FAF1: variants seen among roughly 807,000 people sequenced by gnomAD.
FAF1 encodes Fas associated factor 1.
FAF1 carries 25 observed loss-of-function variants against 92.5 expected under a neutral mutation model. That is an observed-to-expected ratio of 0.27 (90% CI 0.20 to 0.38). The LOEUF is 0.38. Among genes scored for constraint, FAF1 ranks in the 10% least tolerant of loss-of-function variants. The pLI is 1.00. For missense variants in FAF1, 636 were observed against 793.3 expected, an observed-to-expected ratio of 0.80 and a Z score of 2.38; for synonymous variants, 234 against 273.2, an observed-to-expected ratio of 0.86 and a Z score of 1.42.
At chr1:50,799,325 TAGTG>T (rs1425486562) in intron 3 of FAF1, among the ~76,000 whole-genome samples, 3 of 152,210 alleles carry the variant, frequency 2.0e-5, no homozygotes, top group Non-Finnish European at 4.4e-5. Flanking sequence ...TTACAGGTTG[TAGTG>T]AGTATTAAAT....
chr1:50,808,419 C>T lies in FAF1; in HGVS notation c.115-6742G>A, dbSNP rs980305642. The stretch of plus-strand genomic sequence containing the variant: ...AATCCTCACCTATTAATATTAACCT[C>T]GTATGTAAATGGGTTAATGCCCTAA... On this transcript the variant is annotated intron_variant, in intron 2 of 18. Transcript: ENST00000396153. 3.9e-5 allele frequency among the ~76,000 whole-genome samples: 6 copies of T among 152,022 alleles called. 1 individual carries two copies. The highest frequency in any genetic ancestry group is 2.6e-4 in the Admixed American group (4 of 15,256).
rs1021762132 is a variant in FAF1, at chr1:50,815,135, A to G, written c.115-13458T>C. Among the ~76,000 whole-genome samples the G allele has an allele frequency of 7.2e-5, 11 of 152,248 alleles. 1 individual carries two copies. In the South Asian group the frequency reaches 2.3e-3, roughly 32 times the overall value. ...CCGGGGGTACATCTGCCGATTTGTT[A>G]CATGGCTATATTGCATGATGCTGAG... is the stretch of plus-strand genomic sequence containing the variant. On this transcript the variant is annotated intron_variant, in intron 2 of 18. Coordinates refer to ENST00000396153, the MANE Select transcript of FAF1 (RefSeq NM_007051.3).
At chr1:50,694,074 T>C (rs1391779008) in intron 7 of FAF1, among the ~76,000 whole-genome samples, 1 of 151,554 alleles carries the variant, frequency 6.6e-6, no homozygotes, top group African/African-American at 2.4e-5. Flanking sequence ...GACATATACA[T>C]GACATATATA....
chr1:50,838,223 T>C (rs763103856), intron 2 of FAF1, among the ~76,000 whole-genome samples: 1 of 152,144 alleles, frequency 6.6e-6, no homozygotes, highest in African/African-American at 2.4e-5. Context: ...AGATGGTGGA[T>C]GTTTCTTTAA....
intron 8 of FAF1, among the ~76,000 whole-genome samples, chr1:50,598,923 T>C (rs1651961050): frequency 6.6e-6 from 1 of 151,964 alleles, no homozygotes; most frequent in South Asian, 2.1e-4. Context: ...TAAGCTGAGA[T>C]TGTGCCATTG....
At chr1:50,596,073 G>T in intron 9 of FAF1, 48 bp downstream of exon 9, 1 of 1,263,078 alleles carries the variant, frequency 7.9e-7, no homozygotes, top group Non-Finnish European at 1.2e-6. Flanking sequence ...GCGCAGGTAG[G>T]TGGGGGATGG....
chr1:50,695,636 AG>A lies in FAF1; in HGVS notation c.657+10149del, dbSNP rs1240713005. ...TATATGATTTCTCTCTATAAGACAA[AG>A]TTTTTTGTTTTTGATTTTGTTTTCC... On this transcript the variant is annotated intron_variant, in intron 7 of 18. Coordinates refer to ENST00000396153, the MANE Select transcript of FAF1 (RefSeq NM_007051.3). 2.1e-4 allele frequency among the ~76,000 whole-genome samples: 32 copies of A among 152,088 alleles called. No homozygotes were observed. The East Asian group carries it at 6.0e-3, about 28-fold the overall frequency.
intron 8 of FAF1, among the ~76,000 whole-genome samples, chr1:50,609,279 T>C (rs778578202): frequency 6.6e-6 from 1 of 152,218 alleles, no homozygotes; most frequent in Non-Finnish European, 1.5e-5. Flanking sequence ...GAACCTGGCA[T>C]AGCTTGCCAC....
chr1:50,727,279 C>T (rs528276484), intron 6 of FAF1, among the ~76,000 whole-genome samples: 139 of 152,310 alleles, frequency 9.1e-4, no homozygotes, highest in African/African-American at 3.3e-3. Flanking sequence ...AAACCAGATA[C>T]ACCTCTATAC....
intron 9 of FAF1, among the ~76,000 whole-genome samples, chr1:50,594,968 C>T (rs1313590106): frequency 6.6e-6 from 1 of 151,724 alleles, no homozygotes; most frequent in Admixed American, 6.6e-5. Flanking sequence ...TCTTATCTGC[C>T]CCTTCTCTTT....
At chr1:50,935,509 C>T (rs1314841779) in intron 1 of FAF1, among the ~76,000 whole-genome samples, 1 of 144,938 alleles carries the variant, frequency 6.9e-6, no homozygotes, top group African/African-American at 2.6e-5. Flanking sequence ...CTCATTTTGT[C>T]ACCCAGACTA....
chr1:50,568,326 G>C (rs2149057153), intron 12 of FAF1, among the ~76,000 whole-genome samples: 1 of 152,192 alleles, frequency 6.6e-6, no homozygotes, highest in Admixed American at 6.5e-5. Context: ...GACAGCAAAT[G>C]AAAATTTGCT....
At chr1:50,608,521 A>T (rs1652531116) in intron 8 of FAF1, among the ~76,000 whole-genome samples, 1 of 152,184 alleles carries the variant, frequency 6.6e-6, no homozygotes, top group African/African-American at 2.4e-5. Flanking sequence ...TCACTAGGGA[A>T]ATGGTAATCC....
intron 1 of FAF1, among the ~76,000 whole-genome samples, chr1:50,872,583 A>C (rs1052416407): frequency 8.5e-5 from 13 of 152,146 alleles, no homozygotes; most frequent in Non-Finnish European, 1.6e-4. Flanking sequence ...ATTTTGAAAG[A>C]AGCTCTAGTT....
intron 9 of FAF1, 115 bp from the exon 10 acceptor site, chr1:50,584,926 C>T: frequency 1.1e-6 from 1 of 942,290 alleles, no homozygotes; most frequent in Non-Finnish European, 1.5e-6. Context: ...ATCAAATAAA[C>T]TCATTTGCTA....
intron 16 of FAF1, 61 bp downstream of exon 16, chr1:50,491,660 G>A (rs762900318): frequency 2.5e-6 from 3 of 1,187,820 alleles, no homozygotes; most frequent in Non-Finnish European, 2.5e-6. Context: ...AGTGATAAAG[G>A]TTGGCATTTA....
At chr1:50,758,224 T>C (rs748695039) in intron 4 of FAF1, among the ~76,000 whole-genome samples, 1 of 152,206 alleles carries the variant, frequency 6.6e-6, no homozygotes, top group African/African-American at 2.4e-5. Context: ...GGCCTAACTT[T>C]TGTATTTTTA....
At chr1:50,807,056 C>T (rs982683506) in intron 2 of FAF1, among the ~76,000 whole-genome samples, 9 of 151,982 alleles carry the variant, frequency 5.9e-5, no homozygotes, top group East Asian at 3.9e-4. Context: ...ATGGCTGAAA[C>T]GAAAGAAACA....
intron 2 of FAF1, among the ~76,000 whole-genome samples, chr1:50,827,884 A>G (rs913491296): frequency 1.3e-5 from 2 of 152,194 alleles, no homozygotes; most frequent in Non-Finnish European, 2.9e-5. Context: ...AGGATATTCT[A>G]TGTTCATAGA....
Sources: allele counts gnomAD v4.1 joint callset (sites outside exome capture counted in the v4.1 genomes callset), GRCh38; gene constraint gnomAD v4.1.1; transcripts MANE v1.5; gene names NCBI Gene and HGNC (gene_info 2026-07-23, HGNC 2026-07-21).